MYH11: variants seen among roughly 807,000 people sequenced by gnomAD.
The protein encoded by MYH11 is myosin heavy chain 11.
Under a neutral mutation model 246.6 loss-of-function variants are expected in MYH11, and 80 were observed. The ratio of observed to expected loss-of-function variants is 0.32; its 90% CI spans 0.27 to 0.39. The LOEUF is 0.39. Ranked by LOEUF, MYH11 falls within the 10% of genes least tolerant of loss-of-function variation. The pLI, the probability that MYH11 is intolerant of heterozygous loss-of-function variation, is 1.00. For missense variants in MYH11, 2,158 were observed against 2,546.8 expected (o/e 0.85, Z 3.29); for synonymous variants, 1,071 against 1,015.5 (o/e 1.05, Z -1.04).
chr16:15,707,177 T>C (rs2151168073), intron 40 of MYH11, among the ~76,000 whole-genome samples: 1 of 152,242 alleles, frequency 6.6e-6, no homozygotes, highest in Non-Finnish European at 1.5e-5. Context: ...TAACTGGGAC[T>C]ACAGACATGC....
At chr16:15,705,544 G>A (rs1399908975) in intron 40 of MYH11, among the ~76,000 whole-genome samples, 2 of 152,182 alleles carry the variant, frequency 1.3e-5, no homozygotes, top group African/African-American at 4.8e-5. Context: ...TTGGGCTCTG[G>A]CCATCTGGCC....
chr16:15,795,519 G>A (rs951366432), intron 4 of MYH11, among the ~76,000 whole-genome samples: 8 of 152,214 alleles, frequency 5.3e-5, no homozygotes, highest in Non-Finnish European at 1.0e-4. Context: ...GCTGAGGCAG[G>A]AGAATCACTT....
intron 9 of MYH11, among the ~76,000 whole-genome samples, chr16:15,770,371 G>T (rs1156769878): frequency 6.6e-6 from 1 of 152,174 alleles, no homozygotes; most frequent in Non-Finnish European, 1.5e-5. Flanking sequence ...ACTTTCCACA[G>T]TTCTGTCCTG....
At chr16:15,808,217 C>T (rs2043059075) in intron 3 of MYH11, among the ~76,000 whole-genome samples, 1 of 152,222 alleles carries the variant, frequency 6.6e-6, no homozygotes, top group Admixed American at 6.5e-5. Flanking sequence ...GTGGCCACTG[C>T]ATGGCCCTTG....
chr16:15,850,867 C>G (rs967344311), intron 1 of MYH11, among the ~76,000 whole-genome samples: 2 of 151,912 alleles, frequency 1.3e-5, no homozygotes, highest in Non-Finnish European at 2.9e-5. Flanking sequence ...TGCACTCTAG[C>G]CTGGGTGACA....
chr16:15,776,262 A>G, intron 7 of MYH11, 86 bp from the exon 8 acceptor site: 1 of 896,968 alleles, frequency 1.1e-6, no homozygotes, highest in Non-Finnish European at 1.9e-6. Flanking sequence ...CCCAATTCAC[A>G]TGGGATGACT....
At chr16:15,771,453 TAATGGAAGGTGG>T in intron 9 of MYH11, 104 bp downstream of exon 9, 1 of 976,432 alleles carries the variant, frequency 1.0e-6, no homozygotes, top group Non-Finnish European at 1.4e-6. Flanking sequence ...TTTTTTTTTT[TAATGGAAGGTGG>T]GGAATTCAGA....
intron 5 of MYH11, chr16:15,785,796 T>C (rs1486401210): frequency 6.5e-6 from 1 of 153,866 alleles, no homozygotes; most frequent in Admixed American, 6.4e-5. Flanking sequence ...CTAGAGGTGA[T>C]GACTCTAGAA....
chr16:15,733,023 A>T, intron 26 of MYH11: 1 of 451,022 alleles, frequency 2.2e-6, no homozygotes, highest in Non-Finnish European at 4.1e-6. Context: ...TTATTTAATG[A>T]GCAGTTACTA....
At chr16:15,805,888 C>A (rs1020219243) in intron 3 of MYH11, among the ~76,000 whole-genome samples, 2 of 152,120 alleles carry the variant, frequency 1.3e-5, no homozygotes, top group South Asian at 4.1e-4. Flanking sequence ...GGTACTCCAG[C>A]TGGGGTGACA....
chr16:15,812,551 TAAAAAAAAAAAAAAAAAA>T (rs71134466), intron 3 of MYH11, among the ~76,000 whole-genome samples: 2 of 37,400 alleles, frequency 5.3e-5, no homozygotes, highest in Non-Finnish European at 8.9e-5. Flanking sequence ...ATCTTATCTC[TAAAAAAAAAAAAAAAAAA>T]AAAAAAAAAA....
At chr16:15,780,285 T>C (rs1191967877) in intron 6 of MYH11, among the ~76,000 whole-genome samples, 1 of 151,978 alleles carries the variant, frequency 6.6e-6, no homozygotes, top group Non-Finnish European at 1.5e-5. Flanking sequence ...GGGGGGCCGC[T>C]GTTGTTAGTG....
At chr16:15,856,345 AC>A (rs1340583705) in intron 1 of MYH11, among the ~76,000 whole-genome samples, 18 of 143,030 alleles carry the variant, frequency 1.3e-4, no homozygotes, top group South Asian at 2.3e-4. Flanking sequence ...AAAAAAAAAA[AC>A]AACAACACTC....
rs778034774 is a variant in MYH11 at position 15,744,497 on chromosome 16, T to C, written c.2520+632A>G. On this transcript the variant is annotated intron_variant, in intron 20 of 40. Coordinates refer to ENST00000300036, the MANE Select transcript of MYH11 (RefSeq NM_002474.3). ...CGTGAGCCACCGTGCCTGGCCTTTTTTTTAAATAAAAAAAAAAAGAAAGAA... is the reference window on the plus strand; with the variant it reads ...CGTGAGCCACCGTGCCTGGCCTTTTCTTTAAATAAAAAAAAAAAGAAAGAA... Among the ~76,000 whole-genome samples, 35 of 151,086 alleles carry C rather than the reference T, an allele frequency of 2.3e-4. No homozygotes were observed. The Middle Eastern group carries it at 0.01, about 44-fold the overall frequency.
In MYH11 at chr16:15,744,993, C is replaced by T. The variant is rs1004809399; in HGVS notation, c.2520+136G>A. 7 of 728,898 alleles carry T rather than the reference C, an allele frequency of 9.6e-6. No individual in the cohort carries two copies. In the Admixed American group the frequency reaches 9.7e-5, roughly 10 times the overall value. The allele number at this position is 728,898 out of a possible 1,614,324, so 45.2% of individuals were successfully genotyped here. On this transcript the variant is annotated intron_variant, in intron 20 of 40. Coordinates refer to ENST00000300036, the MANE Select transcript of MYH11 (RefSeq NM_002474.3). ...AGGGCCTCCTCGGGCCAGAGAACCG[C>T]CAATGCTCAAGGTCTGAGTTCGAGC...
At chr16:15,795,889 G>C (rs2042732243) in intron 4 of MYH11, among the ~76,000 whole-genome samples, 1 of 152,180 alleles carries the variant, frequency 6.6e-6, no homozygotes, top group South Asian at 2.1e-4. Context: ...CAACTAACTA[G>C]ACGATGATGG....
chr16:15,786,340 C>T, intron 5 of MYH11: 1 of 538,328 alleles, frequency 1.9e-6, no homozygotes, highest in Non-Finnish European at 3.4e-6. Flanking sequence ...ATCAGTGCCA[C>T]CACTGAGAAG....
chr16:15,724,367 CG>C lies in MYH11; in HGVS notation c.4158del (p.Val1387TrpfsTer71). On this transcript the variant is annotated frameshift_variant, in exon 31 of 41. Transcript: ENST00000300036. LOFTEE classifies it high-confidence loss of function. ...SKKKLQDFAS[T>X]VEALEEGKKR... ...TTCTTCCCCTCTTCCAGAGCTTCCA[CG>C]GTGCTGGCAAAGTCCTGCAGCTTCT... 6.2e-7 allele frequency: 1 copy of C among 1,614,120 alleles called. No individual in the cohort carries two copies. Among genetic ancestry groups the C allele is most frequent in the Non-Finnish European group, 8.5e-7 (1 of 1,180,018 alleles).
At chr16:15,759,302 A>G (rs370597123) in intron 12 of MYH11, among the ~76,000 whole-genome samples, 3 of 150,898 alleles carry the variant, frequency 2.0e-5, no homozygotes, top group African/African-American at 7.3e-5. Flanking sequence ...TGGAGCCAAT[A>G]TGGAGGAAGG....
Sources: gnomAD v4.1 joint callset for allele counts (sites outside exome capture counted in the v4.1 genomes callset) on GRCh38, gnomAD v4.1.1 for gene constraint, MANE v1.5 for transcripts, NCBI Gene and HGNC (gene_info 2026-07-23, HGNC 2026-07-21) for gene names.